The following AUTS2 variants were observed in gnomAD, a reference collection of about 807,000 sequenced individuals.
AUTS2 encodes autism susceptibility gene 2 protein.
In AUTS2, 17 loss-of-function variants were observed where a neutral mutation model predicts 112.4. The ratio of observed to expected loss-of-function variants is 0.15; its 90% CI spans 0.10 to 0.23. The LOEUF is 0.23. Ranked by LOEUF, AUTS2 falls within the 10% of genes least tolerant of loss-of-function variation. The pLI is 1.00. For missense variants in AUTS2, 1,510 were observed against 1,701.6 expected, an observed-to-expected ratio of 0.89 and a Z score of 1.98; for synonymous variants, 751 against 702.7, an observed-to-expected ratio of 1.07 and a Z score of -1.09.
chr7:70,270,101 C>T (rs1176384878), intron 4 of AUTS2, among the ~76,000 whole-genome samples: 1 of 152,092 alleles, frequency 6.6e-6, no homozygotes, highest in Admixed American at 6.6e-5. Flanking sequence ...AATATATTAG[C>T]ATGTCTTTTT....
At chr7:70,033,685 A>G (rs192600089) in intron 2 of AUTS2, among the ~76,000 whole-genome samples, 22 of 152,334 alleles carry the variant, frequency 1.4e-4, no homozygotes, top group Non-Finnish European at 1.8e-4. Flanking sequence ...CTTCTGCATT[A>G]TATCAGGAGG....
In AUTS2 at chr7:70,005,913, G is replaced by C. The variant is rs185657395; in HGVS notation, c.522+106415G>C. Among the ~76,000 whole-genome samples the C allele has an allele frequency of 8.7e-3, 1,320 of 152,210 alleles. 12 individuals are homozygous for C. Among genetic ancestry groups the C allele is most frequent in the Middle Eastern group, 0.027 (8 of 294 alleles). On this transcript the variant is annotated intron_variant, in intron 2 of 18. Transcript: ENST00000342771. Reference sequence around the variant, plus strand: ...TTCTAAATTAGTATATTTGATTAACGTTGTATGCTAGTCCTTTGAAATTCT... The same window carrying C: ...TTCTAAATTAGTATATTTGATTAACCTTGTATGCTAGTCCTTTGAAATTCT...
chr7:69,612,268 G>A (rs555253656), intron 1 of AUTS2, among the ~76,000 whole-genome samples: 1 of 152,200 alleles, frequency 6.6e-6, no homozygotes, highest in Non-Finnish European at 1.5e-5. Context: ...CCCACCTGAA[G>A]GAGTTTTTTG....
intron 2 of AUTS2, among the ~76,000 whole-genome samples, chr7:70,013,422 A>G (rs1053862185): frequency 4.6e-5 from 7 of 152,170 alleles, no homozygotes; most frequent in Non-Finnish European, 1.0e-4. Context: ...GCTTTCCTAC[A>G]TTCTCCTGTG....
chr7:69,937,023 A>G (rs1764584478), intron 2 of AUTS2, among the ~76,000 whole-genome samples: 1 of 144,176 alleles, frequency 6.9e-6, no homozygotes. Context: ...CTCTCTTCTC[A>G]TTTGATATAA....
chr7:69,607,788 T>C (rs1370990864), intron 1 of AUTS2, among the ~76,000 whole-genome samples: 1 of 152,202 alleles, frequency 6.6e-6, no homozygotes, highest in African/African-American at 2.4e-5. Flanking sequence ...TTGTAAGTAA[T>C]GGAAAATTGC....
chr7:69,759,033 G>A (rs560612077), intron 1 of AUTS2, among the ~76,000 whole-genome samples: 37 of 152,294 alleles, frequency 2.4e-4, no homozygotes, highest in African/African-American at 7.9e-4. Context: ...GAGTAAGCAA[G>A]TGTTTGCTTA....
At chr7:70,016,418 T>G (rs1285577944) in intron 2 of AUTS2, among the ~76,000 whole-genome samples, 1 of 152,046 alleles carries the variant, frequency 6.6e-6, no homozygotes, top group Non-Finnish European at 1.5e-5. Flanking sequence ...GTGTGATGGT[T>G]TAGGAGGAGA....
At chr7:70,101,812 T>C (rs1804511392) in intron 2 of AUTS2, among the ~76,000 whole-genome samples, 1 of 152,148 alleles carries the variant, frequency 6.6e-6, no homozygotes, top group African/African-American at 2.4e-5. Context: ...CCACTAAAAA[T>C]ATGTCCTCTG....
intron 10 of AUTS2, among the ~76,000 whole-genome samples, chr7:70,769,767 T>C (rs1790216961): frequency 6.6e-6 from 1 of 152,212 alleles, no homozygotes; most frequent in Non-Finnish European, 1.5e-5. Context: ...TGCGGTGCCT[T>C]CTGATACGCA....
intron 2 of AUTS2, among the ~76,000 whole-genome samples, chr7:70,084,977 A>G (rs1803519264): frequency 6.6e-6 from 1 of 151,792 alleles, no homozygotes; most frequent in Non-Finnish European, 1.5e-5. Context: ...GGCTTCAGCC[A>G]TCATCCCACC....
At chr7:70,433,960 G>C (rs1031481547) in intron 4 of AUTS2, among the ~76,000 whole-genome samples, 1 of 152,206 alleles carries the variant, frequency 6.6e-6, no homozygotes, top group Non-Finnish European at 1.5e-5. Flanking sequence ...TCCTGAGGCA[G>C]GCTGCCCTGA....
intron 5 of AUTS2, among the ~76,000 whole-genome samples, chr7:70,675,808 T>C (rs1807882191): frequency 6.6e-6 from 1 of 152,182 alleles, no homozygotes; most frequent in African/African-American, 2.4e-5. Context: ...CCGGAGGGGT[T>C]GCTACCAGAA....
chr7:70,553,959 A>G (rs1468859756), intron 5 of AUTS2, among the ~76,000 whole-genome samples: 1 of 148,250 alleles, frequency 6.7e-6, no homozygotes, highest in Non-Finnish European at 1.5e-5. Context: ...TTTAGTAGAG[A>G]CGGTGTTTCA....
intron 1 of AUTS2, among the ~76,000 whole-genome samples, chr7:69,830,413 T>C (rs1791448368): frequency 1.3e-5 from 2 of 152,172 alleles, no homozygotes; most frequent in African/African-American, 4.8e-5. Context: ...AAAAAATAAG[T>C]AAATACATAA....
intron 1 of AUTS2, among the ~76,000 whole-genome samples, chr7:69,600,475 G>C (rs1355780508): frequency 2.0e-5 from 3 of 150,452 alleles, no homozygotes; most frequent in African/African-American, 7.3e-5. Context: ...GGGTGTCCTC[G>C]GGACTGGAGA....
At chr7:70,561,791 G>T (rs910925751) in intron 5 of AUTS2, among the ~76,000 whole-genome samples, 1 of 152,108 alleles carries the variant, frequency 6.6e-6, no homozygotes, top group Non-Finnish European at 1.5e-5. Flanking sequence ...CTTTCCGGGG[G>T]TCCTGCAGCA....
At chr7:70,010,993 T>G (rs1228308182) in intron 2 of AUTS2, among the ~76,000 whole-genome samples, 1 of 152,178 alleles carries the variant, frequency 6.6e-6, no homozygotes, top group Non-Finnish European at 1.5e-5. Flanking sequence ...GACACATACT[T>G]GATTTGGTCA....
In AUTS2 at chr7:69,901,504, C is replaced by G. The variant is rs560142218; in HGVS notation, c.522+2006C>G. Among the ~76,000 whole-genome samples the G allele has an allele frequency of 3.3e-5, 5 of 152,312 alleles. No individual in the cohort carries two copies. In the East Asian group the frequency reaches 9.6e-4, roughly 29 times the overall value. On this transcript the variant is annotated intron_variant, in intron 2 of 18. Transcript: ENST00000342771. ...ATCGGAAAAGAAGACTAAGACGTAACACATCTTAAATTTGAGTAGCTTTTG... is the reference window on the plus strand; with the variant it reads ...ATCGGAAAAGAAGACTAAGACGTAAGACATCTTAAATTTGAGTAGCTTTTG...
Sources: allele counts gnomAD v4.1 joint callset (sites outside exome capture counted in the v4.1 genomes callset), GRCh38; gene constraint gnomAD v4.1.1; transcripts MANE v1.5; gene names NCBI Gene and HGNC (gene_info 2026-07-23, HGNC 2026-07-21).